Variants in MAOB observed in about 807,000 individuals in gnomAD.
MAOB encodes monoamine oxidase B.
Under a neutral mutation model 41.9 loss-of-function variants are expected in MAOB, and 15 were observed. That is an observed-to-expected ratio of 0.36 (90% CI 0.24 to 0.55). The LOEUF (loss-of-function observed/expected upper bound fraction) is 0.55, where lower values mean the gene tolerates loss of function less well. MAOB is among the 20% of genes least tolerant of loss of function. The pLI is 0.86. For synonymous variants in MAOB, 167 were observed against 144.2 expected, an observed-to-expected ratio of 1.16 and a Z score of -1.13; for missense variants, 345 against 398.7, an observed-to-expected ratio of 0.87 and a Z score of 1.15.
intron 3 of MAOB, among the ~76,000 whole-genome samples, chrX:43,806,836 T>C (rs2034667854): frequency 8.9e-6 from 1 of 112,224 alleles, no homozygotes; most frequent in South Asian, 3.7e-4. Flanking sequence ...TACAATATGA[T>C]TTATTTGTTG....
Position 43,794,741 on chromosome X carries a change from C to T in MAOB, c.768+998G>A, listed in dbSNP as rs112199057. Among the ~76,000 whole-genome samples, 1,014 of 109,295 alleles carry T rather than the reference C, an allele frequency of 9.3e-3. 14 individuals carry two copies. Among genetic ancestry groups the T allele is most frequent in the African/African-American group, 0.032 (974 of 30,037 alleles). The allele number at this position is 109,295 out of a possible 115,157, so 94.9% of individuals were successfully genotyped here. ...TTTCCTTTTTTTCAGTTAGAGATAG[C>T]TTTTTCACTATTGGCAAAAAGACTG... is the stretch of plus-strand genomic sequence containing the variant. On this transcript the variant is annotated intron_variant, in intron 7 of 14. Coordinates refer to ENST00000378069, the MANE Select transcript of MAOB (RefSeq NM_000898.5).
At chrX:43,802,344 TTAAA>T in intron 4 of MAOB, 81 bp from the exon 5 acceptor site, 2 of 659,470 alleles carry the variant, frequency 3.0e-6, no homozygotes, top group Non-Finnish European at 4.6e-6. Context: ...ATTTTCCACT[TTAAA>T]TAACTATTCA....
intron 1 of MAOB, among the ~76,000 whole-genome samples, chrX:43,868,360 C>T (rs1041218570): frequency 9.0e-6 from 1 of 111,718 alleles, no homozygotes; most frequent in African/African-American, 3.3e-5. Context: ...TGTATTTTTC[C>T]CCATTTCTCA....
At chrX:43,853,267 CAAAAAAAAAAAAA>C (rs397957481) in intron 1 of MAOB, among the ~76,000 whole-genome samples, 1 of 26,446 alleles carries the variant, frequency 3.8e-5, no homozygotes, top group African/African-American at 1.5e-4. Context: ...GAGTCCGTCT[CAAAAAAAAAAAAA>C]AAAAAAAAAG....
At chrX:43,784,132 C>T (rs958758787) in intron 8 of MAOB, among the ~76,000 whole-genome samples, 1 of 112,071 alleles carries the variant, frequency 8.9e-6, no homozygotes, top group Admixed American at 9.5e-5. Context: ...CAGTTACTTC[C>T]TCCACTGAAT....
At chrX:43,768,584 G>A in intron 14 of MAOB, 70 bp downstream of exon 14, 1 of 865,554 alleles carries the variant, frequency 1.2e-6, no homozygotes, top group Non-Finnish European at 1.7e-6. Context: ...ATATATACAA[G>A]TGTGCTCTTC....
At chrX:43,814,569 G>C (rs776883041) in intron 3 of MAOB, among the ~76,000 whole-genome samples, 24 of 112,094 alleles carry the variant, frequency 2.1e-4, no homozygotes, top group Admixed American at 1.6e-3. Context: ...TGATAGTACT[G>C]TATTCTCTAG....
intron 3 of MAOB, among the ~76,000 whole-genome samples, chrX:43,806,976 A>G (rs1055688362): frequency 6.3e-5 from 7 of 110,864 alleles, no homozygotes; most frequent in South Asian, 3.9e-4. Context: ...CTCATCTTCT[A>G]TTTTCTCTGC....
chrX:43,809,972 G>T (rs1334703085), intron 3 of MAOB, among the ~76,000 whole-genome samples: 2 of 101,736 alleles, frequency 2.0e-5, no homozygotes, highest in Admixed American at 2.0e-4. Context: ...GGCCGGGCGC[G>T]GTGGCTCACG....
At chrX:43,852,413 T>C (rs1309835532) in intron 1 of MAOB, among the ~76,000 whole-genome samples, 2 of 112,392 alleles carry the variant, frequency 1.8e-5, no homozygotes, top group Non-Finnish European at 3.8e-5. Flanking sequence ...GGATGAAATG[T>C]CATGATGTCT....
intron 5 of MAOB, among the ~76,000 whole-genome samples, chrX:43,798,368 A>C (rs1243129788): frequency 8.9e-6 from 1 of 112,494 alleles, no homozygotes; most frequent in Non-Finnish European, 1.9e-5. Context: ...AACATCCATA[A>C]CATGCAAAGG....
chrX:43,788,686 T>A (rs1264162410), intron 8 of MAOB, among the ~76,000 whole-genome samples: 2 of 111,688 alleles, frequency 1.8e-5, no homozygotes, highest in Non-Finnish European at 3.8e-5. Context: ...TGTACTGCTA[T>A]GGAGAGATGT....
At chrX:43,803,705 T>C (rs2034627222) in intron 3 of MAOB, among the ~76,000 whole-genome samples, 1 of 111,991 alleles carries the variant, frequency 8.9e-6, no homozygotes, top group Admixed American at 9.5e-5. Context: ...GGAGTTAACC[T>C]AAGGAAATCT....
chrX:43,856,947 A>C (rs1012601393), intron 1 of MAOB, among the ~76,000 whole-genome samples: 20 of 102,352 alleles, frequency 2.0e-4, no homozygotes, highest in African/African-American at 7.0e-4. Flanking sequence ...CCATTTAACT[A>C]CAATTTAATT....
At chrX:43,788,260 G>A (rs1329628413) in intron 8 of MAOB, among the ~76,000 whole-genome samples, 1 of 111,319 alleles carries the variant, frequency 9.0e-6, no homozygotes, top group Non-Finnish European at 1.9e-5. Flanking sequence ...TTACCTCAGG[G>A]AGGAGGACGG....
intron 1 of MAOB, among the ~76,000 whole-genome samples, chrX:43,872,935 T>C (rs926016746): frequency 8.9e-6 from 1 of 112,330 alleles, no homozygotes; most frequent in African/African-American, 3.2e-5. Flanking sequence ...TCTGCATTCA[T>C]GCTATTAAAA....
chrX:43,808,642 CTA>C (rs1197444057), intron 3 of MAOB, among the ~76,000 whole-genome samples: 1 of 92,854 alleles, frequency 1.1e-5, no homozygotes, highest in African/African-American at 4.4e-5. Flanking sequence ...ACATCTATAT[CTA>C]TATCTATATC....
chrX:43,882,291 G>T lies in MAOB; in HGVS notation c.9C>A (p.Asn3Lys). 8.3e-7 allele frequency: 1 copy of T among 1,209,049 alleles called. No individual in the cohort carries two copies. Reference sequence around the variant, plus strand: ...CCCCCACCACGACCACGTCGCATTTGTTGCTCATGGCGCTCGCCCCGTTCC... The same window carrying T: ...CCCCCACCACGACCACGTCGCATTTTTTGCTCATGGCGCTCGCCCCGTTCC... MS[N>K]KCDVVVVGGG... The change falls in exon 1 of 15, where the codon AAC (asparagine) becomes AAA (lysine). Residue 3 changes from asparagine to lysine, a missense_variant. Asn to Lys is a moderately conservative substitution (Grantham distance 94). Coordinates refer to ENST00000378069, the MANE Select transcript of MAOB (RefSeq NM_000898.5).
chrX:43,837,210 T>C (rs2035080975), intron 3 of MAOB, among the ~76,000 whole-genome samples: 1 of 112,246 alleles, frequency 8.9e-6, no homozygotes, highest in Non-Finnish European at 1.9e-5. Flanking sequence ...AATCTACATT[T>C]AAAAAAACAA....
Sources: allele counts gnomAD v4.1 joint callset (sites outside exome capture counted in the v4.1 genomes callset), GRCh38; gene constraint gnomAD v4.1.1; transcripts MANE v1.5; gene names NCBI Gene and HGNC (gene_info 2026-07-23, HGNC 2026-07-21).